Variants in TERF1 observed in about 807,000 individuals in gnomAD.
The protein encoded by TERF1 is telomeric repeat-binding factor 1.
A neutral mutation model predicts 55.1 loss-of-function variants in TERF1; 20 were observed. The observed-to-expected ratio is 0.36, with a 90% CI of 0.26 to 0.53. The LOEUF is 0.53. Ranked by LOEUF, TERF1 falls within the 20% of genes least tolerant of loss-of-function variation. The pLI is 0.91. For synonymous variants in TERF1, 168 were observed against 181.2 expected, an observed-to-expected ratio of 0.93 and a Z score of 0.59; for missense variants, 439 against 535.7, an observed-to-expected ratio of 0.82 and a Z score of 1.78.
intron 9 of TERF1, among the ~76,000 whole-genome samples, chr8:73,041,094 A>G (rs1446566762): frequency 6.6e-6 from 1 of 152,064 alleles, no homozygotes; most frequent in Admixed American, 6.6e-5. Flanking sequence ...CCATATCTTG[A>G]GTGTGGTCCT....
At chr8:73,027,331 T>G (rs1482021675) in intron 6 of TERF1, among the ~76,000 whole-genome samples, 2 of 152,226 alleles carry the variant, frequency 1.3e-5, no homozygotes, top group African/African-American at 4.8e-5. Context: ...GTTGGACTCC[T>G]GTGCCCCTTA....
chr8:73,038,035 A>AGTAG (rs555372186), intron 8 of TERF1, among the ~76,000 whole-genome samples: 3 of 147,436 alleles, frequency 2.0e-5, no homozygotes, highest in Admixed American at 7.1e-5. Flanking sequence ...GAAGGCCAGC[A>AGTAG]GTAGGTAGGT....
chr8:73,021,182 C>T lies in TERF1; in HGVS notation c.537+377C>T, dbSNP rs1031578010. Reference sequence around the variant, plus strand: ...TTAGTAGACAGTAAGTAGCCCAAAACGTCATTCAAAGATACAATAGCTAGC... The same window carrying T: ...TTAGTAGACAGTAAGTAGCCCAAAATGTCATTCAAAGATACAATAGCTAGC... On this transcript the variant is annotated intron_variant, in intron 3 of 9. Transcript: ENST00000276603. Among the ~76,000 whole-genome samples, 9 of 152,046 alleles carry T rather than the reference C, an allele frequency of 5.9e-5. No homozygotes were observed. In the South Asian group the frequency reaches 6.2e-4, roughly 11 times the overall value.
At chr8:73,026,710 C>T (rs555376255) in intron 5 of TERF1, among the ~76,000 whole-genome samples, 1 of 150,568 alleles carries the variant, frequency 6.6e-6, no homozygotes, top group African/African-American at 2.4e-5. Context: ...AATATATTTA[C>T]AAGGAAAGAC....
intron 1 of TERF1, among the ~76,000 whole-genome samples, chr8:73,012,658 C>T (rs1219558086): frequency 2.7e-5 from 4 of 150,114 alleles, no homozygotes; most frequent in African/African-American, 7.4e-5. Flanking sequence ...GGCGACAGAG[C>T]GTGACTCTGT....
intron 3 of TERF1, 109 bp from the exon 4 acceptor site, chr8:73,022,107 A>G: frequency 1.7e-6 from 1 of 601,820 alleles, no homozygotes; most frequent in Non-Finnish European, 2.9e-6. Flanking sequence ...TAAGCTACAT[A>G]AAAATGTTCT....
At chr8:73,037,871 AAT>A (rs1326872149) in intron 8 of TERF1, among the ~76,000 whole-genome samples, 6 of 114,848 alleles carry the variant, frequency 5.2e-5, no homozygotes, top group East Asian at 2.2e-4. Context: ...TATGATATAT[AAT>A]ATATATAAAT....
At chr8:73,041,129 T>C (rs1450597351) in intron 9 of TERF1, among the ~76,000 whole-genome samples, 1 of 152,212 alleles carries the variant, frequency 6.6e-6, no homozygotes, top group Admixed American at 6.5e-5. Flanking sequence ...CTCTTCAGAC[T>C]GTGTTTTTTG....
rs79718427 is a variant in TERF1 at position 73,016,599 on chromosome 8, T to C, written c.415+2609T>C. Among the ~76,000 whole-genome samples the C allele has an allele frequency of 9.6e-3, 1,466 of 152,116 alleles. 9 individuals carry two copies. Among genetic ancestry groups the C allele is most frequent in the African/African-American group, 0.033 (1,372 of 41,476 alleles). On this transcript the variant is annotated intron_variant, in intron 2 of 9. Coordinates refer to ENST00000276603, the MANE Select transcript of TERF1 (RefSeq NM_017489.3). Reference sequence around the variant, plus strand: ...AGGTGCACCATCAGGCCCAGTTAATTTTTTAATTTTTTGTAGAGACGAGGT... The same window carrying C: ...AGGTGCACCATCAGGCCCAGTTAATCTTTTAATTTTTTGTAGAGACGAGGT...
At chr8:73,011,063 A>G (rs901585572) in intron 1 of TERF1, 26 of 152,226 alleles carry the variant, frequency 1.7e-4, no homozygotes, top group African/African-American at 6.0e-4. Context: ...TTGATATATC[A>G]TTTGAAGGGC....
intron 1 of TERF1, among the ~76,000 whole-genome samples, chr8:73,013,271 TAA>T (rs955025825): frequency 6.6e-6 from 1 of 152,220 alleles, no homozygotes; most frequent in Non-Finnish European, 1.5e-5. Context: ...AGAAGATACT[TAA>T]ACACACAGAT....
At chr8:73,009,448 T>G (rs1808185390) in intron 1 of TERF1, 1 of 546,202 alleles carries the variant, frequency 1.8e-6, no homozygotes, top group Non-Finnish European at 3.2e-6. Context: ...TTAGGTTTGA[T>G]GCAAGCATTA....
At chr8:73,019,254 A>T (rs979189380) in intron 2 of TERF1, among the ~76,000 whole-genome samples, 1 of 152,216 alleles carries the variant, frequency 6.6e-6, no homozygotes, top group Admixed American at 6.5e-5. Context: ...TGAAAACATT[A>T]GCATTATTTT....
At chr8:73,012,791 C>T (rs1808337670) in intron 1 of TERF1, 10 of 402,234 alleles carry the variant, frequency 2.5e-5, no homozygotes, top group South Asian at 9.2e-5. Flanking sequence ...ACCTATCCTT[C>T]GTGGTACTCA....
At chr8:73,040,160 C>T (rs893490947) in intron 9 of TERF1, among the ~76,000 whole-genome samples, 3 of 152,140 alleles carry the variant, frequency 2.0e-5, no homozygotes, top group Admixed American at 6.6e-5. Flanking sequence ...TTCTACTTTT[C>T]ATTTGCTTCC....
intron 6 of TERF1, among the ~76,000 whole-genome samples, chr8:73,027,869 A>G (rs1019104208): frequency 2.6e-5 from 4 of 152,146 alleles, no homozygotes; most frequent in Admixed American, 1.3e-4. Flanking sequence ...AGTTGGATCT[A>G]CACTGCATTT....
chr8:73,030,654 A>C (rs1401381632), intron 7 of TERF1: 1 of 308,920 alleles, frequency 3.2e-6, no homozygotes, highest in African/African-American at 2.1e-5. Context: ...TGAGCTTAAA[A>C]CAGATGTTTA....
chr8:73,042,648 G>A (rs1809880991), intron 9 of TERF1, among the ~76,000 whole-genome samples: 1 of 152,120 alleles, frequency 6.6e-6, no homozygotes, highest in Non-Finnish European at 1.5e-5. Flanking sequence ...TATGTAATGA[G>A]AAATACTGTA....
intron 6 of TERF1, among the ~76,000 whole-genome samples, chr8:73,027,596 T>G (rs1297395207): frequency 6.6e-6 from 1 of 152,164 alleles, no homozygotes; most frequent in Non-Finnish European, 1.5e-5. Context: ...GATTGTTGTC[T>G]TTTGTTTTAG....
Sources: gnomAD v4.1 joint callset for allele counts (sites outside exome capture counted in the v4.1 genomes callset) on GRCh38, gnomAD v4.1.1 for gene constraint, MANE v1.5 for transcripts, NCBI Gene and HGNC (gene_info 2026-07-23, HGNC 2026-07-21) for gene names.